Variants in SYNE2 observed in about 807,000 individuals in gnomAD.
The protein encoded by SYNE2 is spectrin repeat containing nuclear envelope protein 2.
A neutral mutation model predicts 856.3 loss-of-function variants in SYNE2; 431 were observed. The ratio of observed to expected loss-of-function variants is 0.50; its 90% CI spans 0.47 to 0.55. The LOEUF is 0.55. Among genes scored for constraint, SYNE2 ranks in the 20% least tolerant of loss-of-function variants. The pLI is 0.00. For synonymous variants in SYNE2, 2,923 were observed against 2,872.3 expected, an observed-to-expected ratio of 1.02 and a Z score of -0.56; for missense variants, 8,129 against 8,023.2, an observed-to-expected ratio of 1.01 and a Z score of -0.50.
intron 7 of SYNE2, among the ~76,000 whole-genome samples, chr14:63,953,666 T>A (rs914044759): frequency 2.0e-5 from 3 of 152,174 alleles, no homozygotes; most frequent in Non-Finnish European, 2.9e-5. Flanking sequence ...ACATTCATAT[T>A]GTTGTGTAAC....
At chr14:64,004,003 C>G (rs2096775283) in intron 30 of SYNE2, among the ~76,000 whole-genome samples, 2 of 151,932 alleles carry the variant, frequency 1.3e-5, no homozygotes, top group Non-Finnish European at 2.9e-5. Context: ...CCTCACCTCC[C>G]CTCCCTTCTC....
chr14:64,078,177 AAC>A (rs879932097), intron 54 of SYNE2, among the ~76,000 whole-genome samples: 14 of 152,214 alleles, frequency 9.2e-5, no homozygotes, highest in Non-Finnish European at 1.8e-4. Flanking sequence ...AATTTTGCCC[AAC>A]ACAGCATATA....
chr14:63,874,460 C>T (rs781089264), intron 1 of SYNE2, among the ~76,000 whole-genome samples: 1 of 152,038 alleles, frequency 6.6e-6, no homozygotes, highest in Non-Finnish European at 1.5e-5. Flanking sequence ...TGCTAGATGT[C>T]GCAGGAAGAT....
chr14:64,013,251 A>AT (rs2096861398), intron 32 of SYNE2, among the ~76,000 whole-genome samples: 1 of 152,176 alleles, frequency 6.6e-6, no homozygotes, highest in Non-Finnish European at 1.5e-5. Context: ...TAAATGAAGT[A>AT]TATCAATTAA....
chr14:63,984,104 G>A (rs955411205), intron 18 of SYNE2, among the ~76,000 whole-genome samples: 18 of 152,150 alleles, frequency 1.2e-4, no homozygotes, highest in African/African-American at 4.1e-4. Context: ...TTAGCTGGAC[G>A]TGTGTTTGTG....
chr14:63,960,877 T>TA, intron 8 of SYNE2: 15 of 603,282 alleles, frequency 2.5e-5, no homozygotes, highest in South Asian at 9.7e-5. Flanking sequence ...AGACCCTGTC[T>TA]AAAAAAAATA....
intron 32 of SYNE2, among the ~76,000 whole-genome samples, chr14:64,012,473 C>T (rs1021815227): frequency 1.3e-5 from 2 of 152,132 alleles, no homozygotes; most frequent in African/African-American, 4.8e-5. Flanking sequence ...TCAATCACTG[C>T]GTAAAACTGC....
In SYNE2 at chr14:63,954,742, A is replaced by G. The variant is rs1566901022; in HGVS notation, c.614A>G (p.Asp205Gly). The G allele has an allele frequency of 6.2e-7, 1 of 1,613,988 alleles. No individual in the cohort carries two copies. The highest frequency in any genetic ancestry group is 8.5e-7 in the Non-Finnish European group (1 of 1,179,982). ...CATYESVNVT[D>G]FKSSWRNGMA... ...AGCTATGAGTCTGTCAATGTGACCG[A>G]TTTTAAGTCAAGTTGGAGAAATGGG... The change falls in exon 8 of 116, where the codon GAT becomes GGT. Residue 205 changes from aspartate (D) to glycine (G), a missense_variant. Asp to Gly is a moderately conservative substitution (Grantham distance 94). Transcript: ENST00000555002.
At chr14:63,856,916 C>T (rs1294196779) in intron 1 of SYNE2, among the ~76,000 whole-genome samples, 2 of 152,064 alleles carry the variant, frequency 1.3e-5, no homozygotes, top group Admixed American at 6.6e-5. Context: ...ACTACAGGTG[C>T]ACACTACCAT....
At chr14:64,180,661 G>A (rs2098453673) in intron 96 of SYNE2, among the ~76,000 whole-genome samples, 2 of 151,910 alleles carry the variant, frequency 1.3e-5, no homozygotes, top group South Asian at 2.1e-4. Context: ...CCGCCACCAC[G>A]CCCAGCTAAT....
At chr14:64,011,916 C>T (rs2096849058) in intron 32 of SYNE2, among the ~76,000 whole-genome samples, 1 of 152,198 alleles carries the variant, frequency 6.6e-6, no homozygotes, top group African/African-American at 2.4e-5. Context: ...TTTCTGCCAT[C>T]GTTAGCTCCT....
intron 45 of SYNE2, among the ~76,000 whole-genome samples, chr14:64,043,411 A>G (rs2097163142): frequency 6.6e-6 from 1 of 152,196 alleles, no homozygotes; most frequent in Admixed American, 6.5e-5. Context: ...GCCGAATGTT[A>G]ATCCCCAAGA....
At chr14:63,944,305 T>TATATATATATATATATATAA (rs1351171279) in intron 6 of SYNE2, among the ~76,000 whole-genome samples, 4 of 129,702 alleles carry the variant, frequency 3.1e-5, no homozygotes, top group African/African-American at 1.1e-4. Context: ...TATATATATA[T>TATATATATATATATATATAA]ATAAATAAAT....
chr14:63,937,187 GGTTCA>G (rs1049932142), intron 2 of SYNE2, among the ~76,000 whole-genome samples: 3 of 152,154 alleles, frequency 2.0e-5, no homozygotes, highest in Non-Finnish European at 2.9e-5. Context: ...AATCGGTATG[GGTTCA>G]GTTAAGAGTG....
Position 64,021,374 on chromosome 14 carries a change from A to C in SYNE2, c.5211A>C (p.Glu1737Asp). The C allele has an allele frequency of 6.2e-7, 1 of 1,614,158 alleles. No homozygotes were observed. The highest frequency in any genetic ancestry group is 2.2e-5 in the East Asian group (1 of 44,886). Reference protein sequence around the residue: ...MEHVQKCLTGESNCHALSGST... With the variant: ...MEHVQKCLTGDSNCHALSGST... ...ATGTACAGAAGTGCTTAACAGGAGAATCCAACTGCCATGCACTCAGTGGCA... is the reference window on the plus strand; with the variant it reads ...ATGTACAGAAGTGCTTAACAGGAGACTCCAACTGCCATGCACTCAGTGGCA... The change falls in exon 36 of 116, where the codon GAA becomes GAC. Residue 1737 changes from glutamate to aspartate, a missense_variant. This residue lies in a region of SYNE2 where 2,422 missense variants were observed against 2,357.4 expected (regional missense o/e 1.03). Transcript: ENST00000555002.
intron 1 of SYNE2, among the ~76,000 whole-genome samples, chr14:63,880,671 AT>A (rs35718279): frequency 0.081 from 10,530 of 130,044 alleles, 395 homozygotes; most frequent in Admixed American, 0.11. Context: ...ATTGTCTTTA[AT>A]TTTTTTTTTT....
rs780516110 is a variant in SYNE2 at position 63,979,030 on chromosome 14, T to G, written c.1569+16T>G. 6.2e-7 allele frequency: 1 copy of G among 1,612,898 alleles called. No homozygotes were observed. Among genetic ancestry groups the G allele is most frequent in the Non-Finnish European group, 8.5e-7 (1 of 1,179,354 alleles). ...AGACTGGCATGTAAGCTTTTCAATT[T>G]TGTGTCTTAGGCAACTCCTCCATCT... On this transcript the variant is annotated intron_variant, in intron 14 of 115. Coordinates refer to ENST00000555002, the MANE Select transcript of SYNE2 (RefSeq NM_182914.3).
rs374405913 is a variant in SYNE2, at chr14:64,214,577, G to A, written c.19333+107G>A. Reference sequence around the variant, plus strand: ...ATGACCAAGAGTCCATCTTGTGGCCGACCCTGACTTCTGTGGTTTCCTGTG... The same window carrying A: ...ATGACCAAGAGTCCATCTTGTGGCCAACCCTGACTTCTGTGGTTTCCTGTG... On this transcript the variant is annotated intron_variant, in intron 106 of 115. Transcript: ENST00000555002. The A allele has an allele frequency of 4.2e-4, 476 of 1,142,008 alleles. 4 individuals are homozygous for A. Among genetic ancestry groups the A allele is most frequent in the East Asian group, 2.8e-3 (108 of 39,002 alleles). The allele number at this position is 1,142,008 out of a possible 1,614,324, so 70.7% of individuals were successfully genotyped here.
At chr14:63,968,149 T>C (rs984658471) in intron 11 of SYNE2, among the ~76,000 whole-genome samples, 10 of 151,996 alleles carry the variant, frequency 6.6e-5, no homozygotes, top group African/African-American at 2.2e-4. Flanking sequence ...GGTGACAGAA[T>C]GAGACTCCGT....
Sources: allele counts gnomAD v4.1 joint callset (sites outside exome capture counted in the v4.1 genomes callset), GRCh38; gene constraint gnomAD v4.1.1; regional missense constraint gnomAD v4.1.1; transcripts MANE v1.5; gene names NCBI Gene and HGNC (gene_info 2026-07-23, HGNC 2026-07-21).